The following EPHA3 variants were observed in gnomAD, a reference collection of about 807,000 sequenced individuals.
EPHA3 encodes EPH receptor A3.
In EPHA3, 42 loss-of-function variants were observed where a neutral mutation model predicts 107.1. The observed-to-expected ratio is 0.39, with a 90% CI of 0.31 to 0.51. EPHA3 has a LOEUF of 0.51. Ranked by LOEUF, EPHA3 falls within the 20% of genes least tolerant of loss-of-function variation. The pLI is 0.78. For synonymous variants in EPHA3, 461 were observed against 424.8 expected, an observed-to-expected ratio of 1.09 and a Z score of -1.05; for missense variants, 1,183 against 1,211.2, an observed-to-expected ratio of 0.98 and a Z score of 0.35.
At chr3:89,164,954 T>C (rs1416100192) in intron 2 of EPHA3, among the ~76,000 whole-genome samples, 1 of 152,208 alleles carries the variant, frequency 6.6e-6, no homozygotes, top group Non-Finnish European at 1.5e-5. Context: ...CAAAAATCTT[T>C]CAATGCAGCA....
intron 13 of EPHA3, among the ~76,000 whole-genome samples, chr3:89,447,496 T>C (rs1025903689): frequency 2.0e-5 from 3 of 152,174 alleles, no homozygotes; most frequent in Non-Finnish European, 1.5e-5. Flanking sequence ...TCAGTTTTAC[T>C]GAGTTAGTTC....
In EPHA3 at chr3:89,353,482, G is replaced by A. The variant is rs532223220; in HGVS notation, c.1306+11392G>A. On this transcript the variant is annotated intron_variant, in intron 5 of 16. Transcript: ENST00000336596. ...TTGTTTATCTCAACAAACAAATGAC[G>A]TCTGAATTTGGCCCTGAGAGTATAA... 8.5e-4 allele frequency among the ~76,000 whole-genome samples: 128 copies of A among 151,244 alleles called. 2 individuals carry two copies. Among genetic ancestry groups the A allele is most frequent in the African/African-American group, 2.9e-3 (122 of 41,414 alleles).
rs777093051 is a variant in EPHA3, at chr3:89,399,511, G to A, written c.1594+31G>A. ...TATTATTTCAATGCAGTCTAGAGGAGGGGGCAGGGATCTTGCAAAAGATGT... is the reference window on the plus strand; with the variant it reads ...TATTATTTCAATGCAGTCTAGAGGAAGGGGCAGGGATCTTGCAAAAGATGT... On this transcript the variant is annotated intron_variant, in intron 7 of 16. Coordinates refer to ENST00000336596, the MANE Select transcript of EPHA3 (RefSeq NM_005233.6). 6.2e-6 allele frequency: 10 copies of A among 1,608,142 alleles called. No homozygotes were observed. The South Asian group carries it at 1.1e-4, about 18-fold the overall frequency.
chr3:89,321,846 A>AT (rs1707050701), intron 3 of EPHA3, among the ~76,000 whole-genome samples: 1 of 152,142 alleles, frequency 6.6e-6, no homozygotes, highest in South Asian at 2.1e-4. Context: ...AAGCTTCTTG[A>AT]TAAAAAGTCA....
intron 3 of EPHA3, among the ~76,000 whole-genome samples, chr3:89,219,175 T>G (rs565084365): frequency 1.3e-5 from 2 of 152,252 alleles, no homozygotes; most frequent in Admixed American, 6.5e-5. Context: ...CATTTTTTTT[T>G]TTTTCGAGAT....
chr3:89,120,326 G>T (rs1356914709), intron 1 of EPHA3, among the ~76,000 whole-genome samples: 3 of 152,128 alleles, frequency 2.0e-5, no homozygotes, highest in Non-Finnish European at 4.4e-5. Flanking sequence ...CATTTTGGGA[G>T]ACACATTTTA....
intron 7 of EPHA3, among the ~76,000 whole-genome samples, chr3:89,405,140 T>C (rs1709032905): frequency 6.6e-6 from 1 of 151,950 alleles, no homozygotes. Context: ...TGTAGGTCTG[T>C]CATTTATAAA....
At chr3:89,208,757 T>C (rs1296561513) in intron 2 of EPHA3, among the ~76,000 whole-genome samples, 1 of 152,098 alleles carries the variant, frequency 6.6e-6, no homozygotes, top group Non-Finnish European at 1.5e-5. Flanking sequence ...ATTCAAACAC[T>C]TAGAAAAATT....
rs1366956396 is a variant in EPHA3 at position 89,351,478 on chromosome 3, C to T, written c.1306+9388C>T. On this transcript the variant is annotated intron_variant, in intron 5 of 16. Transcript: ENST00000336596. The stretch of plus-strand genomic sequence containing the variant: ...CAATGCCTCGCCCTGCTTCGGCTCG[C>T]GCACGGTGCGCGCACCCACTGGCCT... Among the ~76,000 whole-genome samples the T allele has an allele frequency of 1.0e-4, 15 of 149,736 alleles. 1 individual carries two copies. The highest frequency in any genetic ancestry group is 3.5e-3 in the Middle Eastern group (1 of 288).
intron 3 of EPHA3, among the ~76,000 whole-genome samples, chr3:89,289,713 A>G (rs1014515224): frequency 3.3e-5 from 5 of 152,070 alleles, no homozygotes; most frequent in African/African-American, 9.7e-5. Flanking sequence ...GCATGTGTTC[A>G]TGCAAGGGGT....
chr3:89,328,033 G>A (rs1030392709), intron 3 of EPHA3, among the ~76,000 whole-genome samples: 2 of 151,934 alleles, frequency 1.3e-5, no homozygotes, highest in East Asian at 1.9e-4. Context: ...GGGAGGCAGA[G>A]GTTGCAGTCA....
At chr3:89,299,754 G>A (rs1706440018) in intron 3 of EPHA3, among the ~76,000 whole-genome samples, 1 of 152,046 alleles carries the variant, frequency 6.6e-6, no homozygotes, top group South Asian at 2.1e-4. Flanking sequence ...AAACGTTATA[G>A]GCATAGTTTT....
At chr3:89,468,254 C>CA (rs1281749011) in intron 15 of EPHA3, among the ~76,000 whole-genome samples, 2 of 18,368 alleles carry the variant, frequency 1.1e-4, no homozygotes, top group African/African-American at 1.3e-3. Flanking sequence ...AAAATTAGGT[C>CA]ATTTTTTTTT....
At chr3:89,387,522 A>G (rs1708645147) in intron 5 of EPHA3, among the ~76,000 whole-genome samples, 1 of 152,152 alleles carries the variant, frequency 6.6e-6, no homozygotes, top group Non-Finnish European at 1.5e-5. Flanking sequence ...AGTCTTGGGC[A>G]GTGCTTTATA....
rs1223348086 is a variant in EPHA3, at chr3:89,405,219, T to C, written c.1595-2050T>C. 4.6e-5 allele frequency among the ~76,000 whole-genome samples: 7 copies of C among 152,264 alleles called. No individual in the cohort carries two copies. In the East Asian group the frequency reaches 9.7e-4, roughly 21 times the overall value. On this transcript the variant is annotated intron_variant, in intron 7 of 16. Transcript: ENST00000336596. ...GACAGCAGTGCAGCTCTGAGGGTTT[T>C]GGCCAAGCCGATGGGGAGTTTCAGA...
chr3:89,154,666 C>T (rs1704760355), intron 2 of EPHA3, among the ~76,000 whole-genome samples: 1 of 151,426 alleles, frequency 6.6e-6, no homozygotes, highest in Non-Finnish European at 1.5e-5. Flanking sequence ...CTCACTCTAT[C>T]ATTTTGTAAT....
At chr3:89,422,441 G>C (rs115763043) in intron 11 of EPHA3, among the ~76,000 whole-genome samples, 1 of 151,314 alleles carries the variant, frequency 6.6e-6, no homozygotes, top group Non-Finnish European at 1.5e-5. Flanking sequence ...TCAGTATCTA[G>C]ATTAATAATC....
intron 13 of EPHA3, among the ~76,000 whole-genome samples, chr3:89,446,641 G>T (rs905892886): frequency 1.3e-5 from 2 of 151,254 alleles, no homozygotes; most frequent in African/African-American, 4.9e-5. Flanking sequence ...AAATATCTGG[G>T]CCTAATATTT....
intron 3 of EPHA3, among the ~76,000 whole-genome samples, chr3:89,333,379 C>T (rs1707331241): frequency 6.6e-6 from 1 of 152,112 alleles, no homozygotes; most frequent in Non-Finnish European, 1.5e-5. Flanking sequence ...CTTCTATTAT[C>T]TTACTCATAT....
Sources: allele counts gnomAD v4.1 joint callset (sites outside exome capture counted in the v4.1 genomes callset), GRCh38; gene constraint gnomAD v4.1.1; transcripts MANE v1.5; gene names NCBI Gene and HGNC (gene_info 2026-07-23, HGNC 2026-07-21).